Variants in SLC41A3 observed in about 807,000 individuals in gnomAD.
SLC41A3 encodes solute carrier family 41 member 3.
In SLC41A3, 44 loss-of-function variants were observed where a neutral mutation model predicts 45.4. That is an observed-to-expected ratio of 0.97 (90% confidence interval 0.76 to 1.25). SLC41A3 has a LOEUF of 1.25. Among genes scored for constraint, SLC41A3 ranks in the 50% most tolerant of loss-of-function variants. SLC41A3 has a pLI of 0.00. For missense variants in SLC41A3, 550 were observed against 600.6 expected, an observed-to-expected ratio of 0.92 and a Z score of 0.88; for synonymous variants, 256 against 252.4, an observed-to-expected ratio of 1.01 and a Z score of -0.13.
At position 126,050,963 on chromosome 3, in the gene SLC41A3, C is replaced by A. The variant is rs1943293790; in HGVS notation, c.361G>T (p.Ala121Ser). 7.4e-6 allele frequency: 12 copies of A among 1,612,520 alleles called. No homozygotes were observed. Among genetic ancestry groups the A allele is most frequent in the Non-Finnish European group, 9.3e-6 (11 of 1,179,404 alleles). Residue 121 changes from alanine to serine, a missense_variant, in exon 3 of 11, where the codon GCA becomes TCA. Coordinates refer to ENST00000360370, the MANE Select transcript of SLC41A3 (RefSeq NM_017836.4). The stretch of plus-strand genomic sequence containing the variant: ...CTTACAGCTGTGGAGAGTCTGGATG[C>A]CAGTGTCATCTCCAGGTTCCCCTTC... Reference protein sequence around the residue: ...GLKGNLEMTLASRLSTAANTG... With the variant: ...GLKGNLEMTLSSRLSTAANTG...
At chr3:126,071,924 C>T (rs895525641) in intron 1 of SLC41A3, among the ~76,000 whole-genome samples, 3 of 152,054 alleles carry the variant, frequency 2.0e-5, no homozygotes, top group Non-Finnish European at 2.9e-5. Flanking sequence ...GTGTGTGCCA[C>T]CATGCCCAGC....
intron 2 of SLC41A3, among the ~76,000 whole-genome samples, chr3:126,060,646 C>T (rs965223441): frequency 2.6e-5 from 4 of 152,058 alleles, no homozygotes; most frequent in Admixed American, 6.6e-5. Flanking sequence ...AAATGACTTT[C>T]CTGTGAAAAC....
At chr3:126,012,157 C>T (rs1939778031) in intron 9 of SLC41A3, among the ~76,000 whole-genome samples, 2 of 152,228 alleles carry the variant, frequency 1.3e-5, no homozygotes. Flanking sequence ...ACTGCACCCA[C>T]TGCCCTGAAA....
rs192864103 is a variant in SLC41A3, at chr3:126,069,264, A to G, written c.-27-1018T>C. ...CACAAGCAGCAGGTAAAGGCTGGGG[A>G]GGCTCTGGTGAGCACCGGACTGGAT... On this transcript the variant is annotated intron_variant, in intron 1 of 10. Transcript: ENST00000360370. Among the ~76,000 whole-genome samples the G allele has an allele frequency of 2.1e-3, 315 of 152,150 alleles. 2 individuals are homozygous for G. The highest frequency in any genetic ancestry group is 7.0e-3 in the African/African-American group (289 of 41,536).
Position 126,008,801 on chromosome 3 carries a change from C to T in SLC41A3, c.1185G>A (p.Leu395=), listed in dbSNP as rs1939403145. The T allele has an allele frequency of 6.2e-7, 1 of 1,614,140 alleles. No homozygotes were observed. Among genetic ancestry groups the T allele is most frequent in the Non-Finnish European group, 8.5e-7 (1 of 1,180,020 alleles). The stretch of plus-strand genomic sequence containing the variant: ...TGTTTATGACTGACTGACCCTCCAC[C>T]AGGTAGATGATGTAGAAGAAAATCA... The part of the protein sequence containing the change: ...GHLIFFYIIY[L]VEGQSVINSQ... The change falls in exon 10 of 11, where the codon CTG becomes CTA. Residue 395 remains leucine, a synonymous_variant. Transcript: ENST00000360370.
intron 1 of SLC41A3, among the ~76,000 whole-genome samples, chr3:126,098,925 C>CTTTTTTTTTTTTTTT (rs57262035): frequency 3.0e-3 from 329 of 109,608 alleles, no homozygotes; most frequent in African/African-American, 7.1e-3. Flanking sequence ...CATGACCTGG[C>CTTTTTTTTTTTTTTT]TTTTTTTTTT....
At chr3:126,038,208 G>C (rs1256913841) in intron 3 of SLC41A3, among the ~76,000 whole-genome samples, 1 of 152,262 alleles carries the variant, frequency 6.6e-6, no homozygotes, top group Non-Finnish European at 1.5e-5. Context: ...TACTAGGGCA[G>C]TATCAAGGGG....
At chr3:126,060,359 C>A (rs146831329) in intron 2 of SLC41A3, among the ~76,000 whole-genome samples, 1 of 151,906 alleles carries the variant, frequency 6.6e-6, no homozygotes, top group African/African-American at 2.4e-5. Flanking sequence ...GCGGAGGTTG[C>A]GGTGAGCTGA....
intron 2 of SLC41A3, among the ~76,000 whole-genome samples, chr3:126,060,169 A>G (rs1278393612): frequency 1.3e-5 from 2 of 152,264 alleles, no homozygotes; most frequent in Non-Finnish European, 2.9e-5. Context: ...CTGTAATCCC[A>G]GCACTTTGGG....
chr3:126,096,213 G>T (rs71327750), intron 1 of SLC41A3, among the ~76,000 whole-genome samples: 24,345 of 152,228 alleles, frequency 0.16, 2,315 homozygotes, highest in Middle Eastern at 0.24. Context: ...AAAACACTTG[G>T]AGGCTCTGTG....
chr3:126,085,665 A>G (rs1407859638), upstream of SLC41A3, among the ~76,000 whole-genome samples: 1 of 152,190 alleles, frequency 6.6e-6, no homozygotes, highest in Non-Finnish European at 1.5e-5. Context: ...CCCAAAATTA[A>G]TCTTGATTCG....
At chr3:126,059,598 C>T (rs1943948189) in intron 2 of SLC41A3, among the ~76,000 whole-genome samples, 2 of 152,162 alleles carry the variant, frequency 1.3e-5, no homozygotes, top group African/African-American at 4.8e-5. Flanking sequence ...CAAGATCACA[C>T]AGCAAGTTAG....
At chr3:126,097,729 A>G (rs1290018975) in intron 1 of SLC41A3, among the ~76,000 whole-genome samples, 1 of 152,206 alleles carries the variant, frequency 6.6e-6, no homozygotes, top group African/African-American at 2.4e-5. Flanking sequence ...GCAAAGTAAA[A>G]TGACAAACAG....
rs1325597854 is a variant in SLC41A3, at chr3:126,006,544, T to C, written c.*472A>G. On this transcript the variant is annotated 3_prime_UTR_variant, in exon 11 of 11. Transcript: ENST00000360370. ...GTACACCTTCTTGGCACAGCAGCAG[T>C]GTGGCCCACGGAGCTTGAACCTGGT... 8.7e-6 allele frequency: 14 copies of C among 1,607,834 alleles called. No individual in the cohort carries two copies. The highest frequency in any genetic ancestry group is 2.2e-5 in the South Asian group (2 of 89,480).
rs529671560 is a variant in SLC41A3 at position 126,044,556 on chromosome 3, G to A, written c.381+6387C>T. On this transcript the variant is annotated intron_variant, in intron 3 of 10. Coordinates refer to ENST00000360370, the MANE Select transcript of SLC41A3 (RefSeq NM_017836.4). ...CATGAAACATTCTCCAAGACAGATC[G>A]TATATTAGGCCATGAAACCAGTCTT... 4.6e-5 allele frequency among the ~76,000 whole-genome samples: 7 copies of A among 152,254 alleles called. No homozygotes were observed. The South Asian group carries it at 6.2e-4, about 14-fold the overall frequency.
At chr3:126,092,050 G>T (rs143153381) in intron 1 of SLC41A3, among the ~76,000 whole-genome samples, 3 of 152,314 alleles carry the variant, frequency 2.0e-5, no homozygotes, top group African/African-American at 7.2e-5. Context: ...CCATGAAAGA[G>T]ATCTGAGTTA....
At chr3:126,011,239 AAGAT>A (rs1359601611) in intron 9 of SLC41A3, among the ~76,000 whole-genome samples, 1 of 152,210 alleles carries the variant, frequency 6.6e-6, no homozygotes, top group Non-Finnish European at 1.5e-5. Flanking sequence ...AAAGAAAAAG[AAGAT>A]AGAAAGAAAG....
At chr3:126,008,583 A>T in intron 10 of SLC41A3, 149 bp downstream of exon 10, 1 of 1,078,338 alleles carries the variant, frequency 9.3e-7, no homozygotes, top group Non-Finnish European at 1.3e-6. Flanking sequence ...TGTATTTGAC[A>T]AGTTGACTCA....
At chr3:126,048,176 A>T (rs187705473) in intron 3 of SLC41A3, among the ~76,000 whole-genome samples, 84 of 152,330 alleles carry the variant, frequency 5.5e-4, no homozygotes, top group African/African-American at 1.9e-3. Context: ...TTTATAAGCT[A>T]AAAGAAAGAG....
Sources: allele counts gnomAD v4.1 joint callset (sites outside exome capture counted in the v4.1 genomes callset), GRCh38; gene constraint gnomAD v4.1.1; transcripts MANE v1.5; gene names NCBI Gene and HGNC (gene_info 2026-07-23, HGNC 2026-07-21).